Variants in OSBPL11 observed in about 807,000 individuals in gnomAD.
OSBPL11 encodes oxysterol binding protein like 11.
OSBPL11 carries 33 observed loss-of-function variants against 84.4 expected under a neutral mutation model. The observed-to-expected ratio is 0.39, with a 90% CI of 0.30 to 0.52. The LOEUF is 0.52. OSBPL11 is among the 20% of genes least tolerant of loss of function. The pLI is 0.72. For synonymous variants in OSBPL11, 276 were observed against 310.2 expected, an observed-to-expected ratio of 0.89 and a Z score of 1.16; for missense variants, 736 against 901.1, an observed-to-expected ratio of 0.82 and a Z score of 2.35.
chr3:125,541,701 C>T (rs1457087278), intron 10 of OSBPL11, among the ~76,000 whole-genome samples: 3 of 152,182 alleles, frequency 2.0e-5, no homozygotes, highest in Non-Finnish European at 4.4e-5. Context: ...CCTCAACCTC[C>T]TGAGTAGCTG....
At chr3:125,554,675 TAAG>T (rs1405906932) in intron 8 of OSBPL11, among the ~76,000 whole-genome samples, 2 of 151,944 alleles carry the variant, frequency 1.3e-5, no homozygotes, top group East Asian at 1.9e-4. Flanking sequence ...TTCAGAGAAT[TAAG>T]AAGATATTAT....
chr3:125,560,355 T>C (rs750946029), intron 8 of OSBPL11, 24 bp downstream of exon 8: 1 of 1,504,094 alleles, frequency 6.6e-7, no homozygotes, highest in South Asian at 1.4e-5. Flanking sequence ...ACAATCTCCA[T>C]AGCCAGCTTA....
rs966479174 is a variant in OSBPL11 at position 125,595,046 on chromosome 3, G to C, written c.-246C>G. On this transcript the variant is annotated 5_prime_UTR_variant, in exon 1 of 13. Coordinates refer to ENST00000296220, the MANE Select transcript of OSBPL11 (RefSeq NM_022776.5). ...CTTCACATGTATCTCTCTCCTTTCC[G>C]GCAAAAGCAAGGAGGAAAAAGCATC... The C allele has an allele frequency of 7.2e-6, 3 of 416,264 alleles. No homozygotes were observed. The highest frequency in any genetic ancestry group is 4.0e-5 in the African/African-American group (2 of 50,208). The allele number at this position is 416,264 out of a possible 1,614,324, so 25.8% of individuals were successfully genotyped here.
intron 7 of OSBPL11, 127 bp downstream of exon 7, chr3:125,563,571 T>C: frequency 2.2e-6 from 2 of 890,392 alleles, no homozygotes; most frequent in Non-Finnish European, 3.4e-6. Flanking sequence ...TAAAATGTTT[T>C]AGAATCTTCA....
rs934542746 is a variant in OSBPL11 at position 125,580,469 on chromosome 3, G to A, written c.234-429C>T. Among the ~76,000 whole-genome samples the A allele has an allele frequency of 3.8e-5, 5 of 130,736 alleles. No homozygotes were observed. The South Asian group carries it at 1.2e-3, about 31-fold the overall frequency. 85.8% of individuals were successfully genotyped at this position (130,736 alleles called of 152,430 possible). On this transcript the variant is annotated intron_variant, in intron 2 of 12. Coordinates refer to ENST00000296220, the MANE Select transcript of OSBPL11 (RefSeq NM_022776.5). ...GCAGCGGTTGCACTGCACTAAGATC[G>A]AGCCACTGCACTCCAGCCTGGGCAA...
intron 1 of OSBPL11, among the ~76,000 whole-genome samples, chr3:125,592,790 G>T (rs1022989698): frequency 6.6e-6 from 1 of 150,704 alleles, no homozygotes; most frequent in Non-Finnish European, 1.5e-5. Flanking sequence ...GACCTAACAG[G>T]AAATGTATAA....
chr3:125,534,076 C>T (rs1022787096), intron 11 of OSBPL11, among the ~76,000 whole-genome samples: 2 of 152,088 alleles, frequency 1.3e-5, no homozygotes, highest in African/African-American at 4.8e-5. Flanking sequence ...ACATTCGTGT[C>T]AAGGGCACAT....
In OSBPL11 at chr3:125,580,145, A is replaced by G. The variant is rs1272394061; in HGVS notation, c.234-105T>C. 11 of 956,792 alleles carry G rather than the reference A, an allele frequency of 1.1e-5. No homozygotes were observed. The Admixed American group carries it at 3.1e-4, about 27-fold the overall frequency. The allele number at this position is 956,792 out of a possible 1,614,324, so 59.3% of individuals were successfully genotyped here. ...CACATTTCAGGGTTTTGCTCTTAAA[A>G]ATAAAATTTAAAAGCATTTCAAGAG... On this transcript the variant is annotated intron_variant, in intron 2 of 12. Transcript: ENST00000296220.
chr3:125,589,305 G>A (rs772794191), intron 1 of OSBPL11, among the ~76,000 whole-genome samples: 4 of 144,464 alleles, frequency 2.8e-5, no homozygotes, highest in South Asian at 2.2e-4. Flanking sequence ...TTGCACCATT[G>A]TGCTCTAGCC....
intron 9 of OSBPL11, among the ~76,000 whole-genome samples, chr3:125,551,309 C>CA (rs1935904398): frequency 6.6e-6 from 1 of 150,624 alleles, no homozygotes; most frequent in Non-Finnish European, 1.5e-5. Context: ...AAGCAGGACT[C>CA]AAAACTATAT....
At chr3:125,563,900 C>A in intron 6 of OSBPL11, 57 bp from the exon 7 acceptor site, 1 of 1,593,084 alleles carries the variant, frequency 6.3e-7, no homozygotes, top group Middle Eastern at 2.1e-4. Flanking sequence ...GAAAGTTCGG[C>A]AGATGTGGAT....
At position 125,572,183 on chromosome 3, in the gene OSBPL11, C is replaced by A. The variant is rs189978526; in HGVS notation, c.666+4006G>T. On this transcript the variant is annotated intron_variant, in intron 5 of 12. Coordinates refer to ENST00000296220, the MANE Select transcript of OSBPL11 (RefSeq NM_022776.5). ...TTTCTGACTTGCATGGGGCCTGTAG[C>A]CCTTTTGTTTTGGCCTTTTTCTCCC... 7.7e-4 allele frequency among the ~76,000 whole-genome samples: 117 copies of A among 152,290 alleles called. 1 individual carries two copies. Among genetic ancestry groups the A allele is most frequent in the African/African-American group, 2.6e-3 (110 of 41,558 alleles).
intron 1 of OSBPL11, among the ~76,000 whole-genome samples, chr3:125,591,434 T>A (rs1346785417): frequency 6.6e-6 from 1 of 152,180 alleles, no homozygotes; most frequent in Non-Finnish European, 1.5e-5. Context: ...TACCTCCTCA[T>A]TCTCAAGAAA....
chr3:125,552,026 C>T (rs540041855), intron 9 of OSBPL11, among the ~76,000 whole-genome samples, 155 bp downstream of exon 9: 22 of 151,764 alleles, frequency 1.4e-4, no homozygotes, highest in African/African-American at 4.1e-4. Flanking sequence ...TTGACCTTCA[C>T]GTGCCTGCTT....
chr3:125,537,701 A>G (rs768155), intron 11 of OSBPL11, among the ~76,000 whole-genome samples: 27,265 of 152,074 alleles, frequency 0.18, 3,136 homozygotes, highest in African/African-American at 0.33. Flanking sequence ...AATTGATAGA[A>G]GGACATTTTA....
In OSBPL11 at chr3:125,560,367, G is replaced by C. The variant is rs867138504; in HGVS notation, c.1155+12C>G. 1.3e-6 allele frequency: 2 copies of C among 1,525,880 alleles called. No individual in the cohort carries two copies. The highest frequency in any genetic ancestry group is 1.8e-6 in the Non-Finnish European group (2 of 1,126,734). The allele number at this position is 1,525,880 out of a possible 1,614,324, so 94.5% of individuals were successfully genotyped here. On this transcript the variant is annotated intron_variant, in intron 8 of 12. Coordinates refer to ENST00000296220, the MANE Select transcript of OSBPL11 (RefSeq NM_022776.5). ...TTAACAATCTCCATAGCCAGCTTAT[G>C]CCATTACTTACTCTTGTTAAATCCA...
rs770441932 is a variant in OSBPL11 at position 125,580,056 on chromosome 3, A to T, written c.234-16T>A. 6.3e-6 allele frequency: 10 copies of T among 1,596,728 alleles called. No individual in the cohort carries two copies. In the Admixed American group the frequency reaches 1.2e-4, roughly 20 times the overall value. On this transcript the variant is annotated splice_polypyrimidine_tract_variant and intron_variant, in intron 2 of 12. Coordinates refer to ENST00000296220, the MANE Select transcript of OSBPL11 (RefSeq NM_022776.5). ...AACAAAAAACCTGTAATGATTTTTT[A>T]AAATCCATAATTTGTAAACATTTTC...
At chr3:125,582,019 A>C (rs1027199337) in intron 2 of OSBPL11, among the ~76,000 whole-genome samples, 1 of 152,056 alleles carries the variant, frequency 6.6e-6, no homozygotes, top group African/African-American at 2.4e-5. Context: ...AAGTAACTCT[A>C]AAAAGTTTTA....
At chr3:125,584,186 G>C (rs537546539) in intron 1 of OSBPL11, among the ~76,000 whole-genome samples, 1 of 152,164 alleles carries the variant, frequency 6.6e-6, no homozygotes, top group South Asian at 2.1e-4. Context: ...CCAACATGGT[G>C]AAACCCCATC....
Sources: allele counts gnomAD v4.1 joint callset (sites outside exome capture counted in the v4.1 genomes callset), GRCh38; gene constraint gnomAD v4.1.1; transcripts MANE v1.5; gene names NCBI Gene and HGNC (gene_info 2026-07-23, HGNC 2026-07-21).